The following PTPRD variants were observed in gnomAD, a reference collection of about 807,000 sequenced individuals.
The protein encoded by PTPRD is receptor-type tyrosine-protein phosphatase delta.
A neutral mutation model predicts 214.5 loss-of-function variants in PTPRD; 34 were observed. That is an observed-to-expected ratio of 0.16 (90% CI 0.12 to 0.21). The LOEUF (loss-of-function observed/expected upper bound fraction) is 0.21, where lower values mean the gene tolerates loss of function less well. Among genes scored for constraint, PTPRD ranks in the 10% least tolerant of loss-of-function variants. The pLI is 1.00. For synonymous variants in PTPRD, 1,128 were observed against 845.7 expected (o/e 1.33, Z -5.79); for missense variants, 2,545 against 2,398.7 (o/e 1.06, Z -1.27).
At chr9:10,163,860 T>C (rs1303267369) in intron 3 of PTPRD, among the ~76,000 whole-genome samples, 1 of 151,588 alleles carries the variant, frequency 6.6e-6, no homozygotes, top group East Asian at 1.9e-4. Flanking sequence ...ACATTCTTTT[T>C]GAAGGGTCAT....
At chr9:10,567,951 A>G (rs972185712) in intron 2 of PTPRD, among the ~76,000 whole-genome samples, 3 of 149,092 alleles carry the variant, frequency 2.0e-5, no homozygotes, top group African/African-American at 7.4e-5. Flanking sequence ...TATTTTATTT[A>G]TTTGTTATTT....
intron 3 of PTPRD, among the ~76,000 whole-genome samples, chr9:10,213,568 C>T (rs1298790665): frequency 3.3e-5 from 5 of 152,106 alleles, no homozygotes; most frequent in Admixed American, 6.6e-5. Context: ...TATTTCATTA[C>T]GTTAAACCAC....
chr9:8,775,744 G>A (rs1291370290), intron 11 of PTPRD, among the ~76,000 whole-genome samples: 3 of 151,990 alleles, frequency 2.0e-5, no homozygotes, highest in East Asian at 3.9e-4. Context: ...AGCACTTTGG[G>A]AGGCCAAGGC....
intron 36 of PTPRD, among the ~76,000 whole-genome samples, chr9:8,390,225 A>G (rs1280626109): frequency 2.0e-5 from 3 of 152,128 alleles, no homozygotes; most frequent in Non-Finnish European, 4.4e-5. Context: ...AAACCCAACA[A>G]TGGCTTCCCC....
chr9:10,482,182 T>C (rs528062890), intron 2 of PTPRD, among the ~76,000 whole-genome samples: 41 of 152,002 alleles, frequency 2.7e-4, no homozygotes, highest in Non-Finnish European at 4.1e-4. Flanking sequence ...CCAGCCCGGC[T>C]AACACAGTGA....
chr9:9,027,151 T>A (rs1244502929), intron 10 of PTPRD, among the ~76,000 whole-genome samples: 3 of 151,790 alleles, frequency 2.0e-5, no homozygotes, highest in African/African-American at 7.3e-5. Flanking sequence ...CTGAATTTTG[T>A]CCAGCTCATT....
At chr9:10,382,539 G>T (rs73644439) in intron 2 of PTPRD, among the ~76,000 whole-genome samples, 9 of 151,780 alleles carry the variant, frequency 5.9e-5, no homozygotes, top group Non-Finnish European at 1.3e-4. Flanking sequence ...TGTAGAATAG[G>T]ATAAAATAGA....
chr9:10,514,577 T>TC (rs1333426592), intron 2 of PTPRD, among the ~76,000 whole-genome samples: 4 of 152,112 alleles, frequency 2.6e-5, no homozygotes, highest in South Asian at 2.1e-4. Context: ...ACTTATTTTT[T>TC]CTGTATTATT....
intron 3 of PTPRD, among the ~76,000 whole-genome samples, chr9:10,203,407 G>C (rs540377830): frequency 6.6e-6 from 1 of 151,840 alleles, no homozygotes; most frequent in Non-Finnish European, 1.5e-5. Flanking sequence ...TGTCAGCTTT[G>C]GCTACCCCCC....
At position 8,392,378 on chromosome 9, in the gene PTPRD, T is replaced by A. The variant is rs7044042; in HGVS notation, c.4211-2971A>T. Among the ~76,000 whole-genome samples, 77 of 151,782 alleles carry A rather than the reference T, an allele frequency of 5.1e-4. No homozygotes were observed. In the Middle Eastern group the frequency reaches 0.01, roughly 20 times the overall value. On this transcript the variant is annotated intron_variant, in intron 36 of 45. Transcript: ENST00000381196. ...CTGTCTCTACAAAACACTAAAAACT[T>A]GGCTGGATATGGTCATGCACGCCTG...
chr9:10,534,234 T>A (rs962598410), intron 2 of PTPRD, among the ~76,000 whole-genome samples: 1 of 151,980 alleles, frequency 6.6e-6, no homozygotes, highest in African/African-American at 2.4e-5. Flanking sequence ...TCTAAAAAGA[T>A]GTTAAAATTA....
At chr9:8,692,560 G>C (rs1027790966) in intron 12 of PTPRD, among the ~76,000 whole-genome samples, 1 of 152,124 alleles carries the variant, frequency 6.6e-6, no homozygotes, top group Non-Finnish European at 1.5e-5. Context: ...GTGAACACTA[G>C]CAATCTCTAC....
chr9:9,920,713 G>T (rs183312169), intron 5 of PTPRD, among the ~76,000 whole-genome samples: 133 of 152,232 alleles, frequency 8.7e-4, no homozygotes, highest in African/African-American at 3.1e-3. Context: ...CTTTAGAAAG[G>T]AGGGCTATAG....
chr9:9,899,534 C>A (rs1407539868), intron 5 of PTPRD, among the ~76,000 whole-genome samples: 1 of 151,740 alleles, frequency 6.6e-6, no homozygotes, highest in Non-Finnish European at 1.5e-5. Context: ...TGGTTATTAT[C>A]AAAAAGATGA....
intron 11 of PTPRD, among the ~76,000 whole-genome samples, chr9:8,808,403 T>C (rs150870450): frequency 1.3e-3 from 202 of 151,928 alleles, no homozygotes; most frequent in African/African-American, 4.7e-3. Context: ...TCTAAAATGA[T>C]TCTGATGAAA....
chr9:8,818,085 A>T (rs554385297), intron 11 of PTPRD, among the ~76,000 whole-genome samples: 3 of 152,322 alleles, frequency 2.0e-5, no homozygotes, highest in African/African-American at 7.2e-5. Context: ...ATTTCAATTG[A>T]ACTACAATTA....
chr9:9,606,158 T>C (rs1253006439), intron 7 of PTPRD, among the ~76,000 whole-genome samples: 1 of 152,056 alleles, frequency 6.6e-6, no homozygotes, highest in Non-Finnish European at 1.5e-5. Flanking sequence ...CCATAAGCAC[T>C]TTAATAAGAA....
intron 14 of PTPRD, among the ~76,000 whole-genome samples, chr9:8,580,490 T>A (rs947724894): frequency 6.6e-6 from 1 of 152,230 alleles, no homozygotes; most frequent in African/African-American, 2.4e-5. Flanking sequence ...CAGACCCTGA[T>A]GGACTTTTTA....
At chr9:8,536,107 T>C (rs183193813) in intron 14 of PTPRD, among the ~76,000 whole-genome samples, 19 of 152,048 alleles carry the variant, frequency 1.2e-4, no homozygotes, top group African/African-American at 4.1e-4. Context: ...TTGTTATTTG[T>C]TTCATATCCT....
Sources: allele counts gnomAD v4.1 joint callset (sites outside exome capture counted in the v4.1 genomes callset), GRCh38; gene constraint gnomAD v4.1.1; transcripts MANE v1.5; gene names NCBI Gene and HGNC (gene_info 2026-07-23, HGNC 2026-07-21).